Variants in TAOK3 observed in about 807,000 individuals in gnomAD.
TAOK3 encodes TAO kinase 3, also known as serine/threonine-protein kinase TAO3.
TAOK3 carries 40 observed loss-of-function variants against 120.4 expected under a neutral mutation model. That is an observed-to-expected ratio of 0.33 (90% confidence interval 0.26 to 0.43). The LOEUF is 0.43. Ranked by LOEUF, TAOK3 falls within the 20% of genes least tolerant of loss-of-function variation. The pLI is 1.00. For missense variants in TAOK3, 821 were observed against 1,112.1 expected (o/e 0.74, Z 3.72); for synonymous variants, 355 against 387.5 (o/e 0.92, Z 0.99).
intron 1 of TAOK3, among the ~76,000 whole-genome samples, chr12:118,276,109 T>C (rs1321819040): frequency 6.6e-6 from 1 of 152,210 alleles, no homozygotes; most frequent in African/African-American, 2.4e-5. Flanking sequence ...GAGATGCCAC[T>C]TCTGTGTTTA....
At chr12:118,280,574 A>G (rs1216514682) in intron 1 of TAOK3, among the ~76,000 whole-genome samples, 2 of 152,190 alleles carry the variant, frequency 1.3e-5, no homozygotes, top group African/African-American at 4.8e-5. Flanking sequence ...TTGTACCAGT[A>G]CCACGCTCTC....
intron 5 of TAOK3, among the ~76,000 whole-genome samples, chr12:118,240,037 T>C (rs1471856243): frequency 6.6e-6 from 1 of 152,018 alleles, no homozygotes; most frequent in African/African-American, 2.4e-5. Flanking sequence ...GCATGGTGGC[T>C]TGCACCTGTG....
intron 1 of TAOK3, among the ~76,000 whole-genome samples, chr12:118,360,125 C>T (rs2045542227): frequency 6.6e-6 from 1 of 151,326 alleles, no homozygotes; most frequent in Non-Finnish European, 1.5e-5. Context: ...AATGGCTGGG[C>T]GTGGTGGCAG....
intron 1 of TAOK3, among the ~76,000 whole-genome samples, chr12:118,335,378 A>C (rs2044325235): frequency 6.6e-6 from 1 of 152,172 alleles, no homozygotes; most frequent in South Asian, 2.1e-4. Context: ...ACAACTTAGA[A>C]GAAATTGACC....
chr12:118,193,729 G>T (rs183325646), intron 13 of TAOK3, among the ~76,000 whole-genome samples: 1 of 152,232 alleles, frequency 6.6e-6, no homozygotes, highest in Admixed American at 6.5e-5. Flanking sequence ...AATTACAGGC[G>T]TGAGCCACCG....
chr12:118,336,851 C>T (rs1329971667), intron 1 of TAOK3, among the ~76,000 whole-genome samples: 3 of 152,178 alleles, frequency 2.0e-5, no homozygotes, highest in Non-Finnish European at 4.4e-5. Context: ...GCAGGAGGAT[C>T]ACTTGAGGCC....
At chr12:118,155,063 T>C (rs537988230) in intron 19 of TAOK3, among the ~76,000 whole-genome samples, 290 of 152,190 alleles carry the variant, frequency 1.9e-3, no homozygotes, top group Non-Finnish European at 3.4e-3. Flanking sequence ...TGGTGTGATC[T>C]CAGCTCACTG....
intron 1 of TAOK3, among the ~76,000 whole-genome samples, chr12:118,308,763 C>T (rs1355843113): frequency 6.6e-6 from 1 of 151,444 alleles, no homozygotes; most frequent in Non-Finnish European, 1.5e-5. Flanking sequence ...AACCCTGTCT[C>T]TACTAAAAAT....
intron 9 of TAOK3, among the ~76,000 whole-genome samples, chr12:118,223,870 C>T (rs1273175134): frequency 1.3e-5 from 2 of 152,118 alleles, no homozygotes; most frequent in Non-Finnish European, 2.9e-5. Context: ...GAACTCCTGA[C>T]CTCAAGTGAT....
At chr12:118,277,086 A>G (rs16948230) in intron 1 of TAOK3, among the ~76,000 whole-genome samples, 18,517 of 152,266 alleles carry the variant, frequency 0.12, 1,224 homozygotes, top group Middle Eastern at 0.15. Flanking sequence ...TCTCCAAATC[A>G]AACTCAACAA....
At chr12:118,204,095 G>A (rs866243721) in intron 11 of TAOK3, among the ~76,000 whole-genome samples, 8 of 151,762 alleles carry the variant, frequency 5.3e-5, no homozygotes, top group South Asian at 2.1e-4. Context: ...GTGAAACCCC[G>A]TCTCTACTAA....
At chr12:118,214,538 GAA>G (rs140957567) in intron 9 of TAOK3, among the ~76,000 whole-genome samples, 3,227 of 149,138 alleles carry the variant, frequency 0.022, 114 homozygotes, top group African/African-American at 0.074. Context: ...AGAAAGCAAA[GAA>G]ACATAGAATA....
chr12:118,254,278 T>C (rs1237355313), intron 3 of TAOK3, among the ~76,000 whole-genome samples: 1 of 152,132 alleles, frequency 6.6e-6, no homozygotes, highest in Non-Finnish European at 1.5e-5. Context: ...TGAATAGTTG[T>C]CTGTTCATCT....
intron 1 of TAOK3, among the ~76,000 whole-genome samples, chr12:118,274,241 C>T (rs1049708297): frequency 6.6e-6 from 1 of 152,120 alleles, no homozygotes; most frequent in African/African-American, 2.4e-5. Flanking sequence ...GGTACTTTCA[C>T]GTTGAAAATG....
chr12:118,179,031 T>C (rs7977168), intron 15 of TAOK3, among the ~76,000 whole-genome samples: 2,890 of 152,326 alleles, frequency 0.019, 95 homozygotes, highest in African/African-American at 0.066. Flanking sequence ...TGAACAATTC[T>C]CACAACATAT....
At chr12:118,256,648 C>T (rs193235126) in intron 2 of TAOK3, among the ~76,000 whole-genome samples, 1 of 152,244 alleles carries the variant, frequency 6.6e-6, no homozygotes, top group African/African-American at 2.4e-5. Flanking sequence ...AGATACCAGT[C>T]ACAAAAGACC....
At chr12:118,175,615 G>A (rs919076941) in intron 16 of TAOK3, among the ~76,000 whole-genome samples, 4 of 151,598 alleles carry the variant, frequency 2.6e-5, no homozygotes, top group South Asian at 4.2e-4. Context: ...CAACAAGAGC[G>A]AAACTCCATC....
chr12:118,290,892 A>C (rs200479877), intron 1 of TAOK3, among the ~76,000 whole-genome samples: 11 of 143,068 alleles, frequency 7.7e-5, no homozygotes, highest in African/African-American at 2.8e-4. Context: ...TAGGGCGTTT[A>C]CTTTTTTTTT....
At chr12:118,220,886 G>A (rs2139635343) in intron 9 of TAOK3, among the ~76,000 whole-genome samples, 1 of 152,316 alleles carries the variant, frequency 6.6e-6, no homozygotes, top group South Asian at 2.1e-4. Flanking sequence ...TTAGCTTCAA[G>A]TGATCTCATC....
Sources: gnomAD v4.1 joint callset for allele counts (sites outside exome capture counted in the v4.1 genomes callset) on GRCh38, gnomAD v4.1.1 for gene constraint, MANE v1.5 for transcripts, NCBI Gene and HGNC (gene_info 2026-07-23, HGNC 2026-07-21) for gene names.